GRM7: variants seen among roughly 807,000 people sequenced by gnomAD.
The protein encoded by GRM7 is metabotropic glutamate receptor 7.
In GRM7, 35 loss-of-function variants were observed where a neutral mutation model predicts 84.5. That is an observed-to-expected ratio of 0.41 (90% confidence interval 0.32 to 0.55). The LOEUF (loss-of-function observed/expected upper bound fraction) is 0.55, where lower values mean the gene tolerates loss of function less well. GRM7 is among the 20% of genes least tolerant of loss of function. The pLI is 0.19. For missense variants in GRM7, 1,003 were observed against 1,194.6 expected, an observed-to-expected ratio of 0.84 and a Z score of 2.36; for synonymous variants, 487 against 455.1, an observed-to-expected ratio of 1.07 and a Z score of -0.89.
At chr3:6,995,457 A>G (rs565805062) in intron 1 of GRM7, among the ~76,000 whole-genome samples, 1 of 152,352 alleles carries the variant, frequency 6.6e-6, no homozygotes, top group South Asian at 2.1e-4. Flanking sequence ...TGAGGTGTTG[A>G]GGTTGTTACA....
intron 8 of GRM7, among the ~76,000 whole-genome samples, chr3:7,656,456 A>C (rs1406543897): frequency 2.6e-5 from 4 of 151,744 alleles, no homozygotes; most frequent in Non-Finnish European, 5.9e-5. Context: ...AGATCATGCC[A>C]CTGTACTCCA....
intron 1 of GRM7, among the ~76,000 whole-genome samples, chr3:6,993,017 G>C (rs1030272283): frequency 6.6e-6 from 1 of 152,216 alleles, no homozygotes; most frequent in African/African-American, 2.4e-5. Context: ...ATAAAGGAAA[G>C]AGGTTGAATT....
chr3:7,434,808 A>G (rs1052832286), intron 5 of GRM7, among the ~76,000 whole-genome samples: 1 of 152,288 alleles, frequency 6.6e-6, no homozygotes, highest in Admixed American at 6.5e-5. Flanking sequence ...GACACAAAAA[A>G]ATGAGTTAGA....
chr3:7,203,782 T>G (rs186067842), intron 2 of GRM7, among the ~76,000 whole-genome samples: 1 of 152,326 alleles, frequency 6.6e-6, no homozygotes, highest in Non-Finnish European at 1.5e-5. Context: ...GAACATCTTA[T>G]GCTATATAAA....
chr3:7,139,187 T>C (rs1163724995), intron 1 of GRM7, among the ~76,000 whole-genome samples: 2 of 150,398 alleles, frequency 1.3e-5, no homozygotes, highest in Admixed American at 1.3e-4. Context: ...ATTTTCTTAA[T>C]TGGTAAAGAG....
intron 2 of GRM7, among the ~76,000 whole-genome samples, chr3:7,292,533 GT>G (rs1243065420): frequency 6.6e-6 from 1 of 152,010 alleles, no homozygotes; most frequent in Non-Finnish European, 1.5e-5. Context: ...ATCATTGAAT[GT>G]GTTAATAGAT....
At position 7,155,529 on chromosome 3, in the gene GRM7, A is replaced by G. The variant is rs13058877; in HGVS notation, c.736+8861A>G. ...TTCTGAAAAACAAGTAGATACTCCA[A>G]TCCAAGAAACATTAAATTAATAAAT... On this transcript the variant is annotated intron_variant, in intron 2 of 9. Coordinates refer to ENST00000357716, the MANE Select transcript of GRM7 (RefSeq NM_000844.4). 9.2e-5 allele frequency among the ~76,000 whole-genome samples: 14 copies of G among 152,266 alleles called. 1 individual carries two copies. The highest frequency in any genetic ancestry group is 3.1e-4 in the African/African-American group (13 of 41,554).
intron 1 of GRM7, among the ~76,000 whole-genome samples, chr3:6,941,342 A>C (rs142089074): frequency 6.6e-6 from 1 of 152,282 alleles, no homozygotes; most frequent in African/African-American, 2.4e-5. Context: ...CTGAACCTGA[A>C]GTCTTTGGGA....
At chr3:7,166,260 C>T (rs927347807) in intron 2 of GRM7, among the ~76,000 whole-genome samples, 4 of 152,114 alleles carry the variant, frequency 2.6e-5, no homozygotes, top group African/African-American at 4.8e-5. Flanking sequence ...CTAATAGTGG[C>T]GTCTATGAAT....
At chr3:6,942,120 C>T (rs1697914388) in intron 1 of GRM7, among the ~76,000 whole-genome samples, 1 of 151,384 alleles carries the variant, frequency 6.6e-6, no homozygotes, top group Admixed American at 6.6e-5. Context: ...AGTCACTATA[C>T]CTTATTGAAT....
chr3:7,571,378 G>C (rs1009228230), intron 7 of GRM7, among the ~76,000 whole-genome samples: 12 of 152,026 alleles, frequency 7.9e-5, no homozygotes, highest in African/African-American at 2.4e-4. Flanking sequence ...TAAATGCTTT[G>C]CTGCTTAGAA....
intron 8 of GRM7, chr3:7,607,890 C>G: frequency 6.1e-6 from 1 of 165,178 alleles, no homozygotes; most frequent in East Asian, 1.8e-4. Flanking sequence ...TCCTCTCACC[C>G]TCCCCCAAGT....
chr3:7,542,866 T>C (rs1471841937), intron 7 of GRM7, among the ~76,000 whole-genome samples: 2 of 152,164 alleles, frequency 1.3e-5, no homozygotes, highest in Admixed American at 1.3e-4. Context: ...AATTTTTAGT[T>C]ATAAATAAAT....
chr3:7,205,653 C>G (rs564731132), intron 2 of GRM7, among the ~76,000 whole-genome samples: 1 of 152,298 alleles, frequency 6.6e-6, no homozygotes, highest in South Asian at 2.1e-4. Flanking sequence ...TACAACAAAG[C>G]TGTTCAGTAC....
intron 1 of GRM7, among the ~76,000 whole-genome samples, chr3:7,055,373 A>T (rs772679750): frequency 6.6e-6 from 1 of 151,756 alleles, no homozygotes; most frequent in Non-Finnish European, 1.5e-5. Context: ...TTTCAAATCA[A>T]TTCTTTCATA....
intron 5 of GRM7, among the ~76,000 whole-genome samples, chr3:7,439,893 G>A (rs1299193540): frequency 6.6e-6 from 1 of 152,052 alleles, no homozygotes; most frequent in African/African-American, 2.4e-5. Flanking sequence ...AGAGGGAGCT[G>A]GCTATTACTT....
chr3:7,644,408 C>T (rs987367665), intron 8 of GRM7, among the ~76,000 whole-genome samples: 17 of 152,230 alleles, frequency 1.1e-4, no homozygotes, highest in South Asian at 2.1e-4. Flanking sequence ...TTAGTTTTAA[C>T]GGCACAGGCC....
intron 1 of GRM7, among the ~76,000 whole-genome samples, chr3:7,048,385 A>G (rs1046459536): frequency 4.6e-5 from 7 of 151,956 alleles, no homozygotes; most frequent in Admixed American, 1.3e-4. Context: ...TATTAAAATT[A>G]GTGTTTGTAG....
chr3:6,985,427 G>A (rs927094377), intron 1 of GRM7, among the ~76,000 whole-genome samples: 4 of 151,844 alleles, frequency 2.6e-5, no homozygotes, highest in African/African-American at 9.7e-5. Flanking sequence ...TTGATTTTTA[G>A]GTCCCACAAA....
Sources: allele counts gnomAD v4.1 joint callset (sites outside exome capture counted in the v4.1 genomes callset), GRCh38; gene constraint gnomAD v4.1.1; transcripts MANE v1.5; gene names NCBI Gene and HGNC (gene_info 2026-07-23, HGNC 2026-07-21).